Variants in RTN4R observed in about 807,000 individuals in gnomAD.
RTN4R encodes reticulon-4 receptor.
RTN4R carries 4 observed loss-of-function variants against 27.7 expected under a neutral mutation model. That is an observed-to-expected ratio of 0.14 (90% CI 0.07 to 0.33). The LOEUF is 0.33. Among genes scored for constraint, RTN4R ranks in the 10% least tolerant of loss-of-function variants. RTN4R has a pLI of 1.00. For synonymous variants in RTN4R, 290 were observed against 305.6 expected, an observed-to-expected ratio of 0.95 and a Z score of 0.53; for missense variants, 554 against 671.5, an observed-to-expected ratio of 0.83 and a Z score of 1.93.
chr22:20,267,554 T>A (rs1248253881), intron 1 of RTN4R: 11 of 464,350 alleles, frequency 2.4e-5, no homozygotes, highest in African/African-American at 2.2e-4. Flanking sequence ...GACAACCCTG[T>A]CCCCCACGCC....
chr22:20,264,226 T>C (rs972045698), intron 1 of RTN4R, among the ~76,000 whole-genome samples: 17 of 152,172 alleles, frequency 1.1e-4, no homozygotes, highest in African/African-American at 3.4e-4. Context: ...CAGGTTTGGA[T>C]AAATAAATGA....
rs1206690328 is a variant in RTN4R, at chr22:20,259,242, C to G, written c.22+8829G>C. Among the ~76,000 whole-genome samples the G allele has an allele frequency of 5.9e-5, 9 of 152,194 alleles. No individual in the cohort carries two copies. In the East Asian group the frequency reaches 1.7e-3, roughly 29 times the overall value. Reference sequence around the variant, plus strand: ...GGTGAAGAATGGACTCCATTAGGGCCGCCATCTGTCTCAGCCATGACGGGT... The same window carrying G: ...GGTGAAGAATGGACTCCATTAGGGCGGCCATCTGTCTCAGCCATGACGGGT... On this transcript the variant is annotated intron_variant, in intron 1 of 1. Coordinates refer to ENST00000043402, the MANE Select transcript of RTN4R (RefSeq NM_023004.6).
Position 20,268,139 on chromosome 22 carries a change from G to A in RTN4R, c.-47C>T. ...GTCGGGGACTGAAAGTCGTTTCGGGGCGGGCGCCCGTCTCCCCGCGGCCGG... is the reference window on the plus strand; with the variant it reads ...GTCGGGGACTGAAAGTCGTTTCGGGACGGGCGCCCGTCTCCCCGCGGCCGG... On this transcript the variant is annotated 5_prime_UTR_variant, in exon 1 of 2. Coordinates refer to ENST00000043402, the MANE Select transcript of RTN4R (RefSeq NM_023004.6). 9.1e-7 allele frequency: 1 copy of A among 1,094,528 alleles called. No homozygotes were observed. The highest frequency in any genetic ancestry group is 1.1e-6 in the Non-Finnish European group (1 of 890,380). The allele number at this position is 1,094,528 out of a possible 1,614,324, so 67.8% of individuals were successfully genotyped here.
At chr22:20,249,910 C>A (rs2051165849) in intron 1 of RTN4R, among the ~76,000 whole-genome samples, 1 of 152,230 alleles carries the variant, frequency 6.6e-6, no homozygotes, top group African/African-American at 2.4e-5. Flanking sequence ...CCTCAGTCAG[C>A]AGAACAGCAG....
chr22:20,265,353 G>A (rs376696730), intron 1 of RTN4R, among the ~76,000 whole-genome samples: 1 of 152,162 alleles, frequency 6.6e-6, no homozygotes, highest in East Asian at 1.9e-4. Flanking sequence ...CAGCCTCCCA[G>A]GACAGCAGGA....
chr22:20,243,137 C>G (rs1313371561), intron 1 of RTN4R, 27 bp from the exon 2 acceptor site: 2 of 1,594,120 alleles, frequency 1.3e-6, no homozygotes. Context: ...GAGTGGTTAG[C>G]AGGAAGGGCA....
chr22:20,266,902 C>G (rs1174698490), intron 1 of RTN4R, among the ~76,000 whole-genome samples: 1 of 152,268 alleles, frequency 6.6e-6, no homozygotes, highest in East Asian at 1.9e-4. Context: ...AAGCCCGAGG[C>G]GGGGACCCCC....
chr22:20,265,330 G>C (rs1274790050), intron 1 of RTN4R, among the ~76,000 whole-genome samples: 1 of 152,140 alleles, frequency 6.6e-6, no homozygotes, highest in African/African-American at 2.4e-5. Context: ...TCCACAGGCT[G>C]TGGGCCAGTT....
At chr22:20,246,683 C>T (rs1020053335) in intron 1 of RTN4R, among the ~76,000 whole-genome samples, 3 of 152,176 alleles carry the variant, frequency 2.0e-5, no homozygotes, top group Non-Finnish European at 4.4e-5. Flanking sequence ...CGCCCACCTC[C>T]GTGCCCTCCC....
At chr22:20,257,946 C>A (rs896922894) in intron 1 of RTN4R, among the ~76,000 whole-genome samples, 1 of 152,172 alleles carries the variant, frequency 6.6e-6, no homozygotes, top group Non-Finnish European at 1.5e-5. Flanking sequence ...AGGTCTCAGG[C>A]AGGCCCCCCA....
In RTN4R at chr22:20,242,997, G is replaced by C; in HGVS notation, c.136C>G (p.Gln46Glu). 6.2e-7 allele frequency: 1 copy of C among 1,609,696 alleles called. No individual in the cohort carries two copies. Among genetic ancestry groups the C allele is most frequent in the Non-Finnish European group, 8.5e-7 (1 of 1,179,882 alleles). ...EPKVTTSCPQ[Q>E]GLQAVPVGIP... ...CCCACGGGCACAGCCTGCAGGCCCT[G>C]CTGGGGGCAGCTTGTCGTCACCTTG... The change falls in exon 2 of 2, where the codon CAG becomes GAG. Residue 46 changes from glutamine (Q) to glutamate (E), a missense_variant. Physicochemically the swap from Gln to Glu is conservative, Grantham distance 29. Coordinates refer to ENST00000043402, the MANE Select transcript of RTN4R (RefSeq NM_023004.6).
At chr22:20,251,786 T>G (rs1035254556) in intron 1 of RTN4R, among the ~76,000 whole-genome samples, 13 of 132,356 alleles carry the variant, frequency 9.8e-5, no homozygotes, top group Non-Finnish European at 1.8e-4. Context: ...CTCATCACCA[T>G]CACCAGCCTC....
At chr22:20,249,177 C>T in intron 1 of RTN4R, 1 of 534,330 alleles carries the variant, frequency 1.9e-6, no homozygotes, top group Non-Finnish European at 3.8e-6. Flanking sequence ...CTAATTCAAT[C>T]CAGCAGCCAG....
chr22:20,243,722 C>A (rs980348423), intron 1 of RTN4R: 6 of 353,294 alleles, frequency 1.7e-5, no homozygotes, highest in African/African-American at 1.3e-4. Context: ...GGCAGGAACC[C>A]TCCTGAAGCC....
chr22:20,261,503 A>T (rs2051246478), intron 1 of RTN4R, among the ~76,000 whole-genome samples: 1 of 152,160 alleles, frequency 6.6e-6, no homozygotes. Context: ...CAGCTTCACG[A>T]TAGCCACGTG....
Position 20,261,461 on chromosome 22 carries a change from G to T in RTN4R, c.22+6610C>A, listed in dbSNP as rs1405158871. ...CAAATCAAGCTGCCACTATGGCCGG[G>T]TCCTGTGGGCAGTGCTCACTCACCA... On this transcript the variant is annotated intron_variant, in intron 1 of 1. Transcript: ENST00000043402. Among the ~76,000 whole-genome samples, 6 of 152,222 alleles carry T rather than the reference G, an allele frequency of 3.9e-5. 1 individual carries two copies. The highest frequency in any genetic ancestry group is 1.3e-4 in the Admixed American group (2 of 15,288).
At chr22:20,250,570 G>A (rs555951831) in intron 1 of RTN4R, among the ~76,000 whole-genome samples, 1 of 152,332 alleles carries the variant, frequency 6.6e-6, no homozygotes, top group South Asian at 2.1e-4. Flanking sequence ...ACATAGCCAG[G>A]TGAACAGAGC....
chr22:20,252,555 G>A (rs1193856239), intron 1 of RTN4R, among the ~76,000 whole-genome samples: 2 of 152,136 alleles, frequency 1.3e-5, no homozygotes, highest in African/African-American at 4.8e-5. Context: ...TGCAAGGCCA[G>A]GAGACAGTGC....
In RTN4R at chr22:20,241,696, T is replaced by TA. The variant is rs1227299933; in HGVS notation, c.*14_*15insT. The TA allele has an allele frequency of 5.2e-6, 8 of 1,548,926 alleles. No homozygotes were observed. The African/African-American group carries it at 1.1e-4, about 21-fold the overall frequency. On this transcript the variant is annotated 3_prime_UTR_variant, in exon 2 of 2. Coordinates refer to ENST00000043402, the MANE Select transcript of RTN4R (RefSeq NM_023004.6). Reference sequence around the variant, plus strand: ...CACACCTGGCTGCTGAGCACGCTCTTGTGTCCGCTGGGGGTCAGCAGGGCC... The same window carrying TA: ...CACACCTGGCTGCTGAGCACGCTCTTAGTGTCCGCTGGGGGTCAGCAGGGCC...
Sources: allele counts gnomAD v4.1 joint callset (sites outside exome capture counted in the v4.1 genomes callset), GRCh38; gene constraint gnomAD v4.1.1; transcripts MANE v1.5; gene names NCBI Gene and HGNC (gene_info 2026-07-23, HGNC 2026-07-21).